The following SLC35F4 variants were observed in gnomAD, a reference collection of about 807,000 sequenced individuals.
SLC35F4 encodes solute carrier family 35 member F4.
A neutral mutation model predicts 44.2 loss-of-function variants in SLC35F4; 24 were observed. That is an observed-to-expected ratio of 0.54 (90% CI 0.39 to 0.76). SLC35F4 has a LOEUF of 0.76. SLC35F4 is among the 30% of genes least tolerant of loss of function. The pLI is 0.00. For synonymous variants in SLC35F4, 238 were observed against 223.6 expected (o/e 1.06, Z -0.57); for missense variants, 562 against 586.1 (o/e 0.96, Z 0.42).
chr14:57,678,928 G>A (rs58220157), intron 1 of SLC35F4, among the ~76,000 whole-genome samples: 6 of 151,870 alleles, frequency 4.0e-5, no homozygotes, highest in Admixed American at 6.6e-5. Flanking sequence ...GTAATAGTGG[G>A]AGACTTTAAC....
At chr14:57,652,836 G>A (rs118098046) in intron 1 of SLC35F4, among the ~76,000 whole-genome samples, 1 of 152,226 alleles carries the variant, frequency 6.6e-6, no homozygotes, top group African/African-American at 2.4e-5. Flanking sequence ...AAGTATAAGT[G>A]TGAGAGGAAG....
chr14:57,946,307 G>A (rs1594644259), intron 1 of SLC35F4, among the ~76,000 whole-genome samples: 1 of 152,148 alleles, frequency 6.6e-6, no homozygotes, highest in Middle Eastern at 3.4e-3. Context: ...TTTACACAAG[G>A]TGAGAGATGG....
At chr14:57,700,318 G>T (rs551613906) in intron 1 of SLC35F4, among the ~76,000 whole-genome samples, 1 of 152,046 alleles carries the variant, frequency 6.6e-6, no homozygotes, top group South Asian at 2.1e-4. Flanking sequence ...GACAGAAAAT[G>T]GTACACCTGT....
chr14:57,587,027 A>G (rs2069797776), intron 3 of SLC35F4, among the ~76,000 whole-genome samples: 1 of 151,900 alleles, frequency 6.6e-6, no homozygotes, highest in Non-Finnish European at 1.5e-5. Context: ...AAAAAAGCTC[A>G]TCATCACTGG....
intron 1 of SLC35F4, among the ~76,000 whole-genome samples, chr14:57,801,188 C>T (rs1455812636): frequency 1.3e-5 from 2 of 152,162 alleles, no homozygotes; most frequent in Non-Finnish European, 1.5e-5. Flanking sequence ...ACTCTACAAG[C>T]CAGAAGAGAT....
intron 1 of SLC35F4, among the ~76,000 whole-genome samples, chr14:57,845,792 C>T (rs1019398524): frequency 6.6e-6 from 1 of 152,102 alleles, no homozygotes; most frequent in Non-Finnish European, 1.5e-5. Flanking sequence ...GCTTTGCCAC[C>T]ATTTTCCATC....
At chr14:57,773,191 T>C (rs952004722) in intron 1 of SLC35F4, among the ~76,000 whole-genome samples, 3 of 152,210 alleles carry the variant, frequency 2.0e-5, no homozygotes, top group Non-Finnish European at 4.4e-5. Context: ...GGGTTATTTG[T>C]TTTTATTCTT....
At chr14:57,980,616 A>G (rs1016415060) in intron 1 of SLC35F4, among the ~76,000 whole-genome samples, 1 of 150,556 alleles carries the variant, frequency 6.6e-6, no homozygotes, top group Non-Finnish European at 1.5e-5. Flanking sequence ...TGACCTTTCC[A>G]CCTGGTTTGT....
Position 57,699,438 on chromosome 14 carries a change from A to T in SLC35F4, c.104-105314T>A, listed in dbSNP as rs1224959367. 1.3e-5 allele frequency among the ~76,000 whole-genome samples: 2 copies of T among 152,162 alleles called. 1 individual carries two copies. The highest frequency in any genetic ancestry group is 2.9e-5 in the Non-Finnish European group (2 of 68,016). On this transcript the variant is annotated intron_variant, in intron 1 of 7. Coordinates refer to ENST00000556826, the MANE Select transcript of SLC35F4 (RefSeq NM_001306087.2). ...CAAGAGAACTCTGCTCAGCAAGTAA[A>T]TACAACCAAACCCAAGAATCCCTTA...
intron 1 of SLC35F4, among the ~76,000 whole-genome samples, chr14:57,773,456 C>T (rs757883058): frequency 1.8e-4 from 27 of 152,046 alleles, no homozygotes; most frequent in Middle Eastern, 3.4e-3. Flanking sequence ...ACATTTAGTA[C>T]GGAATAAAGC....
chr14:57,949,723 G>A (rs1890101098), intron 1 of SLC35F4, among the ~76,000 whole-genome samples: 1 of 152,080 alleles, frequency 6.6e-6, no homozygotes, highest in Non-Finnish European at 1.5e-5. Flanking sequence ...TAGTTCTCTA[G>A]TGGTGAATTC....
chr14:57,736,504 G>A (rs572137475), intron 1 of SLC35F4, among the ~76,000 whole-genome samples: 7 of 152,274 alleles, frequency 4.6e-5, no homozygotes, highest in Admixed American at 2.6e-4. Context: ...TGGTCACAGC[G>A]GTCATTAGTG....
intron 1 of SLC35F4, among the ~76,000 whole-genome samples, chr14:57,754,962 A>G (rs2076962689): frequency 6.6e-6 from 1 of 152,166 alleles, no homozygotes; most frequent in Admixed American, 6.5e-5. Flanking sequence ...CCTAATCAGA[A>G]ATCTGGCAAG....
chr14:57,916,889 A>T (rs2141055095), intron 1 of SLC35F4, among the ~76,000 whole-genome samples: 1 of 152,304 alleles, frequency 6.6e-6, no homozygotes, highest in South Asian at 2.1e-4. Flanking sequence ...AAGCTCAGGA[A>T]TTCTTTTCCA....
chr14:57,836,228 G>A (rs571278982), intron 1 of SLC35F4, among the ~76,000 whole-genome samples: 1 of 152,164 alleles, frequency 6.6e-6, no homozygotes, highest in Non-Finnish European at 1.5e-5. Flanking sequence ...GTTTTTCTCT[G>A]AACTCACTTA....
intron 1 of SLC35F4, among the ~76,000 whole-genome samples, chr14:57,807,013 T>C (rs1441046156): frequency 1.3e-5 from 2 of 152,234 alleles, no homozygotes; most frequent in East Asian, 3.8e-4. Context: ...CTCTTGCTAT[T>C]GTTTTTTAGC....
intron 1 of SLC35F4, among the ~76,000 whole-genome samples, chr14:57,738,738 T>C (rs2076526951): frequency 1.6e-5 from 2 of 125,634 alleles, no homozygotes; most frequent in Admixed American, 8.9e-5. Context: ...TTTCATAATA[T>C]TTGAATTTTC....
intron 7 of SLC35F4, 113 bp from the exon 8 acceptor site, chr14:57,564,489 C>G (rs2068108492): frequency 7.1e-7 from 1 of 1,405,180 alleles, no homozygotes; most frequent in Non-Finnish European, 9.5e-7. Context: ...CTTTATTCTT[C>G]CAAGTTAGTG....
At chr14:57,719,592 G>A (rs1594877710) in intron 1 of SLC35F4, among the ~76,000 whole-genome samples, 1 of 31,980 alleles carries the variant, frequency 3.1e-5, no homozygotes, top group African/African-American at 5.7e-5. Flanking sequence ...ATTTTTCCTG[G>A]GATTTTTTTT....
Sources: allele counts gnomAD v4.1 joint callset (sites outside exome capture counted in the v4.1 genomes callset), GRCh38; gene constraint gnomAD v4.1.1; transcripts MANE v1.5; gene names NCBI Gene and HGNC (gene_info 2026-07-23, HGNC 2026-07-21).